Variants in MFSD6 observed in about 807,000 individuals in gnomAD.
The protein encoded by MFSD6 is major facilitator superfamily domain containing 6.
In MFSD6, 26 loss-of-function variants were observed where a neutral mutation model predicts 56.3. That is an observed-to-expected ratio of 0.46 (90% CI 0.34 to 0.64). The LOEUF (loss-of-function observed/expected upper bound fraction) is 0.64, where lower values mean the gene tolerates loss of function less well. Among genes scored for constraint, MFSD6 ranks in the 30% least tolerant of loss-of-function variants. The pLI is 0.01. For synonymous variants in MFSD6, 331 were observed against 366.9 expected (o/e 0.90, Z 1.12); for missense variants, 750 against 986.2 (o/e 0.76, Z 3.21).
At chr2:190,455,627 C>T (rs1686989124) in intron 3 of MFSD6, among the ~76,000 whole-genome samples, 1 of 151,848 alleles carries the variant, frequency 6.6e-6, no homozygotes, top group Admixed American at 6.6e-5. Flanking sequence ...AGATTATGGG[C>T]AGAAATACAT....
rs1225187632 is a variant in MFSD6, at chr2:190,491,943, A to T, written c.1891+2077A>T. Among the ~76,000 whole-genome samples the T allele has an allele frequency of 3.3e-5, 5 of 152,202 alleles. No individual in the cohort carries two copies. Among genetic ancestry groups the T allele is most frequent in the Non-Finnish European group, 7.3e-5 (5 of 68,036 alleles). ...GAAGTGAGGGGAGAAATCTTCAATG[A>T]GATAGATAGCATAAATAAGAAACAG... On this transcript the variant is annotated intron_variant, in intron 6 of 7. Transcript: ENST00000392328. This position sits in a 1 kb window ranked among gnomAD's most constrained non-coding sequence, Gnocchi z 4.2.
intron 1 of MFSD6, among the ~76,000 whole-genome samples, 157 bp downstream of exon 1, chr2:190,408,660 G>A (rs1354105976): frequency 6.6e-6 from 1 of 151,764 alleles, no homozygotes; most frequent in African/African-American, 2.4e-5. Flanking sequence ...CCCAGCGTGC[G>A]CCGCTGTCTC....
At chr2:190,452,742 A>G (rs759430922) in intron 3 of MFSD6, among the ~76,000 whole-genome samples, 18 of 152,102 alleles carry the variant, frequency 1.2e-4, no homozygotes, top group Non-Finnish European at 2.5e-4. Flanking sequence ...TGAGATCTCC[A>G]TCCCTGTAAA....
chr2:190,429,443 A>T (rs190262726), intron 2 of MFSD6, among the ~76,000 whole-genome samples: 6 of 151,702 alleles, frequency 4.0e-5, no homozygotes, highest in Admixed American at 3.9e-4. Flanking sequence ...CTCCTGCCTC[A>T]GCCTCCCAAG....
At chr2:190,479,287 C>G (rs1449033781) in intron 4 of MFSD6, among the ~76,000 whole-genome samples, 1 of 152,176 alleles carries the variant, frequency 6.6e-6, no homozygotes, top group Non-Finnish European at 1.5e-5. Context: ...AATTCAGCTA[C>G]CATTTGCAGC....
At chr2:190,481,462 C>T (rs181210805) in intron 4 of MFSD6, among the ~76,000 whole-genome samples, 8 of 152,242 alleles carry the variant, frequency 5.3e-5, no homozygotes, top group Non-Finnish European at 1.2e-4. Context: ...ACATGTAGAC[C>T]ACTGCCTACC....
At position 190,500,105 on chromosome 2, in the gene MFSD6, TCC is replaced by T; in HGVS notation, c.2266_2267del (p.Pro756Ter). 1 of 1,614,102 alleles carries T rather than the reference TCC, an allele frequency of 6.2e-7. No individual in the cohort carries two copies. Among genetic ancestry groups the T allele is most frequent in the Non-Finnish European group, 8.5e-7 (1 of 1,180,002 alleles). On this transcript the variant is annotated frameshift_variant, in exon 8 of 8. Transcript: ENST00000392328. LOFTEE classifies it low-confidence loss of function (END_TRUNC). The surrounding 1 kb of genome is among the most constrained non-coding windows in gnomAD (Gnocchi z 5.3). ...CTCTGACCCATCTAGAAACCAGCCA[TCC>T]CCTGACGCAGCAGCATCTCAGACGC... ...THSDPSRNQP[S>X]PDAAASQTQT... is the part of the protein sequence containing the mutation.
chr2:190,473,903 T>G (rs571420839), intron 4 of MFSD6, among the ~76,000 whole-genome samples: 1 of 152,262 alleles, frequency 6.6e-6, no homozygotes, highest in East Asian at 1.9e-4. Context: ...AACTCAGGAT[T>G]AAGAAACTCA....
At chr2:190,448,113 T>C (rs1686649104) in intron 3 of MFSD6, among the ~76,000 whole-genome samples, 1 of 152,146 alleles carries the variant, frequency 6.6e-6, no homozygotes, top group South Asian at 2.1e-4. Context: ...ACTGTACCTT[T>C]TGTGATTGCA....
Position 190,431,164 on chromosome 2 carries a change from G to A in MFSD6, c.-53-4813G>A, listed in dbSNP as rs1403851227. Among the ~76,000 whole-genome samples, 1 of 151,646 alleles carries A rather than the reference G, an allele frequency of 6.6e-6. No homozygotes were observed. The highest frequency in any genetic ancestry group is 2.1e-4 in the South Asian group (1 of 4,802). On this transcript the variant is annotated intron_variant, in intron 2 of 7. Coordinates refer to ENST00000392328, the MANE Select transcript of MFSD6 (RefSeq NM_017694.4). This position sits in a 1 kb window ranked among gnomAD's most constrained non-coding sequence, Gnocchi z 4.4. ...AGACGATGGGCAGCCAGGCAGAGACGCTCCTCACTTCCCAGATGGGATGGT... is the reference window on the plus strand; with the variant it reads ...AGACGATGGGCAGCCAGGCAGAGACACTCCTCACTTCCCAGATGGGATGGT...
rs974822904 is a variant in MFSD6, at chr2:190,437,340, C to T, written c.1311C>T (p.Asp437=). The T allele has an allele frequency of 1.2e-6, 2 of 1,614,274 alleles. No homozygotes were observed. The highest frequency in any genetic ancestry group is 1.1e-5 in the South Asian group (1 of 91,088). The change falls in exon 3 of 8, where the codon GAC becomes GAT. Residue 437 remains aspartate (D), a synonymous_variant. Coordinates refer to ENST00000392328, the MANE Select transcript of MFSD6 (RefSeq NM_017694.4). This position sits in a 1 kb window ranked among gnomAD's most constrained non-coding sequence, Gnocchi z 5.9. ...ACTCGCAGGCCTTCAACTTTTGGGA[C>T]TTAATCAAGCTGCTCTGCAGCGTGC... is the stretch of plus-strand genomic sequence containing the variant. ...TSHSQAFNFW[D]LIKLLCSVQY... is the part of the protein sequence containing the mutation.
At chr2:190,481,865 A>G (rs1413441051) in intron 4 of MFSD6, among the ~76,000 whole-genome samples, 2 of 152,220 alleles carry the variant, frequency 1.3e-5, no homozygotes, top group Non-Finnish European at 2.9e-5. Flanking sequence ...TGCTCTTTGT[A>G]GGATCCTCCG....
chr2:190,434,201 A>G lies in MFSD6; in HGVS notation c.-53-1776A>G, dbSNP rs982373631. Among the ~76,000 whole-genome samples the G allele has an allele frequency of 1.3e-5, 2 of 151,836 alleles. No homozygotes were observed. Among genetic ancestry groups the G allele is most frequent in the Non-Finnish European group, 2.9e-5 (2 of 67,962 alleles). On this transcript the variant is annotated intron_variant, in intron 2 of 7. Transcript: ENST00000392328. The surrounding 1 kb of genome is among the most constrained non-coding windows in gnomAD (Gnocchi z 4.3). ...GTCTCTCAAAAAAAAAAAAAGAAAAAAAAGAAAAGAAGGTGAAAGGAATTA... is the reference window on the plus strand; with the variant it reads ...GTCTCTCAAAAAAAAAAAAAGAAAAGAAAGAAAAGAAGGTGAAAGGAATTA...
chr2:190,499,098 A>G lies in MFSD6; in HGVS notation c.2173-917A>G, dbSNP rs1689877573. On this transcript the variant is annotated intron_variant, in intron 7 of 7. Coordinates refer to ENST00000392328, the MANE Select transcript of MFSD6 (RefSeq NM_017694.4). The surrounding 1 kb of genome is among the most constrained non-coding windows in gnomAD (Gnocchi z 6.0). ...AGCAGGAGGAGGTTGCAGTGAGCCAAGGTCACGCCACTGCACTCCGGCCTA... is the reference window on the plus strand; with the variant it reads ...AGCAGGAGGAGGTTGCAGTGAGCCAGGGTCACGCCACTGCACTCCGGCCTA... Among the ~76,000 whole-genome samples, 1 of 152,216 alleles carries G rather than the reference A, an allele frequency of 6.6e-6. No individual in the cohort carries two copies. The highest frequency in any genetic ancestry group is 2.4e-5 in the African/African-American group (1 of 41,452).
At position 190,447,838 on chromosome 2, in the gene MFSD6, T is replaced by C. The variant is rs1686638826; in HGVS notation, c.1532+10277T>C. Among the ~76,000 whole-genome samples, 1 of 152,198 alleles carries C rather than the reference T, an allele frequency of 6.6e-6. No individual in the cohort carries two copies. The highest frequency in any genetic ancestry group is 2.4e-5 in the African/African-American group (1 of 41,444). ...TGATCAGGAATTGAAAGATAATCAT[T>C]TGGTTTTTATCATCCCTTGAAAAGA... On this transcript the variant is annotated intron_variant, in intron 3 of 7. Transcript: ENST00000392328. This position sits in a 1 kb window ranked among gnomAD's most constrained non-coding sequence, Gnocchi z 4.5.
chr2:190,419,563 T>C (rs925123199), intron 2 of MFSD6, among the ~76,000 whole-genome samples: 2 of 152,248 alleles, frequency 1.3e-5, no homozygotes, highest in African/African-American at 4.8e-5. Flanking sequence ...TGCTATGTTA[T>C]AGCACACATT....
rs1192633818 is a variant in MFSD6 at position 190,424,846 on chromosome 2, C to CT, written c.-54+9438dup. 1.3e-5 allele frequency among the ~76,000 whole-genome samples: 2 copies of CT among 152,168 alleles called. No individual in the cohort carries two copies. Among genetic ancestry groups the CT allele is most frequent in the Non-Finnish European group, 2.9e-5 (2 of 68,024 alleles). ...CGGTCTTAATGCACAGCTATATGAT[C>CT]TTTTTCAAAACTGCTTTAGCTATTC... On this transcript the variant is annotated intron_variant, in intron 2 of 7. Coordinates refer to ENST00000392328, the MANE Select transcript of MFSD6 (RefSeq NM_017694.4). This position sits in a 1 kb window ranked among gnomAD's most constrained non-coding sequence, Gnocchi z 5.9.
rs1427867321 is a variant in MFSD6, at chr2:190,457,277, C to G, written c.1533-12481C>G. 5.9e-5 allele frequency among the ~76,000 whole-genome samples: 9 copies of G among 152,198 alleles called. No homozygotes were observed. The highest frequency in any genetic ancestry group is 4.4e-5 in the Non-Finnish European group (3 of 68,032). ...GTCCACCCCTGTGGCCCTCTCCTTC[C>G]TTGTCTCTGTGAAAAGAGCGAGCTG... On this transcript the variant is annotated intron_variant, in intron 3 of 7. Transcript: ENST00000392328. The surrounding 1 kb of genome is among the most constrained non-coding windows in gnomAD (Gnocchi z 5.1).
At position 190,431,377 on chromosome 2, in the gene MFSD6, G is replaced by C. The variant is rs1040567607; in HGVS notation, c.-53-4600G>C. Among the ~76,000 whole-genome samples, 1 of 152,214 alleles carries C rather than the reference G, an allele frequency of 6.6e-6. No homozygotes were observed. Among genetic ancestry groups the C allele is most frequent in the African/African-American group, 2.4e-5 (1 of 41,450 alleles). ...GCAGCTGGGAGGTGGAGGTTGTAGC[G>C]AGCCGAGATCACCCCACTGCACTCC... On this transcript the variant is annotated intron_variant, in intron 2 of 7. Transcript: ENST00000392328. The surrounding 1 kb of genome is among the most constrained non-coding windows in gnomAD (Gnocchi z 4.4).
Sources: allele counts gnomAD v4.1 joint callset (sites outside exome capture counted in the v4.1 genomes callset), GRCh38; gene constraint gnomAD v4.1.1; non-coding constraint Gnocchi (gnomAD v3.1); transcripts MANE v1.5; gene names NCBI Gene and HGNC (gene_info 2026-07-23, HGNC 2026-07-21).